KLF8: variants seen among roughly 807,000 people sequenced by gnomAD.
KLF8 encodes the protein KLF transcription factor 8.
A neutral mutation model predicts 18.2 loss-of-function variants in KLF8; 10 were observed. The observed-to-expected ratio is 0.55, with a 90% CI of 0.34 to 0.93. The LOEUF (loss-of-function observed/expected upper bound fraction) is 0.93. Ranked by LOEUF, KLF8 falls within the 40% of genes least tolerant of loss-of-function variation. The pLI is 0.02. For synonymous variants in KLF8, 109 were observed against 97.3 expected (o/e 1.12, Z -0.71); for missense variants, 264 against 277.9 (o/e 0.95, Z 0.36).
chrX:56,019,743 T>C, the KLF8 span, among the ~76,000 whole-genome samples: 1 of 111,935 alleles, frequency 8.9e-6, no homozygotes, highest in Non-Finnish European at 1.9e-5. Context: ...AATAGTTATC[T>C]TGGAGCTATC....
chrX:56,160,635 A>G, the KLF8 span, among the ~76,000 whole-genome samples: 1 of 111,423 alleles, frequency 9.0e-6, no homozygotes, highest in Admixed American at 9.6e-5. Flanking sequence ...TCCCTTTACC[A>G]TTATGTAATG....
At chrX:56,156,542 C>G in the KLF8 span, among the ~76,000 whole-genome samples, 1 of 110,551 alleles carries the variant, frequency 9.0e-6, no homozygotes, top group Non-Finnish European at 1.9e-5. Flanking sequence ...CCAGCTCCAT[C>G]CATTGCCCTT....
the KLF8 span, among the ~76,000 whole-genome samples, chrX:56,185,598 G>GA: frequency 9.0e-6 from 1 of 111,568 alleles, no homozygotes; most frequent in Non-Finnish European, 1.9e-5. Flanking sequence ...TGAAATGAAG[G>GA]AAAAAATGTT....
the KLF8 span, among the ~76,000 whole-genome samples, chrX:56,064,538 T>C: frequency 3.7e-3 from 409 of 111,649 alleles, no homozygotes; most frequent in African/African-American, 0.012. Context: ...ATGTCAGGAC[T>C]TGCTTGTGTC....
the KLF8 span, among the ~76,000 whole-genome samples, chrX:56,191,269 G>C: frequency 6.8e-4 from 76 of 111,792 alleles, no homozygotes; most frequent in African/African-American, 2.2e-3. Flanking sequence ...AAGGAAATTT[G>C]AAACATGAAC....
At chrX:56,127,004 C>T in the KLF8 span, among the ~76,000 whole-genome samples, 3 of 109,491 alleles carry the variant, frequency 2.7e-5, no homozygotes, top group Non-Finnish European at 5.7e-5. Flanking sequence ...CTACCCGCCT[C>T]GGCCTCCCAA....
At chrX:56,170,728 T>C in the KLF8 span, among the ~76,000 whole-genome samples, 1 of 110,932 alleles carries the variant, frequency 9.0e-6, no homozygotes, top group Non-Finnish European at 1.9e-5. Flanking sequence ...AATATTGATC[T>C]TAAAGAAGAA....
the KLF8 span, among the ~76,000 whole-genome samples, chrX:56,127,337 A>G: frequency 2.7e-5 from 3 of 111,189 alleles, no homozygotes; most frequent in African/African-American, 9.8e-5. Flanking sequence ...ATAAAACATG[A>G]ACTCCAGCCT....
the KLF8 span, among the ~76,000 whole-genome samples, chrX:56,189,536 C>T: frequency 1.3e-4 from 14 of 111,004 alleles, no homozygotes; most frequent in African/African-American, 4.6e-4. Context: ...ACCCAAAGGA[C>T]TATAAATCAT....
the KLF8 span, among the ~76,000 whole-genome samples, chrX:56,126,429 C>A: frequency 2.7e-5 from 3 of 112,045 alleles, no homozygotes; most frequent in African/African-American, 9.7e-5. Flanking sequence ...TATCCTTGCC[C>A]CTAACAATTT....
the KLF8 span, among the ~76,000 whole-genome samples, chrX:56,175,082 T>A: frequency 7.2e-4 from 80 of 111,405 alleles, no homozygotes; most frequent in South Asian, 0.029. Flanking sequence ...AGGGTTTTTT[T>A]TGTCTCTATT....
chrX:56,020,073 A>G, the KLF8 span, among the ~76,000 whole-genome samples: 1 of 112,218 alleles, frequency 8.9e-6, no homozygotes, highest in Non-Finnish European at 1.9e-5. Context: ...CAGTCAGATA[A>G]AAGTTAGGTG....
chrX:56,261,198 A>G (rs2066878984), intron 2 of KLF8, among the ~76,000 whole-genome samples: 2 of 111,518 alleles, frequency 1.8e-5, no homozygotes, highest in African/African-American at 6.5e-5. Flanking sequence ...TGTCCACTCA[A>G]ATTGGCTTAA....
At chrX:56,170,643 G>T in the KLF8 span, among the ~76,000 whole-genome samples, 1 of 110,091 alleles carries the variant, frequency 9.1e-6, no homozygotes, top group Non-Finnish European at 1.9e-5. Context: ...GGTTAGAAGA[G>T]CCTAAAGGAA....
intron 5 of KLF8, among the ~76,000 whole-genome samples, chrX:56,283,699 G>A (rs1218149894): frequency 8.9e-6 from 1 of 112,382 alleles, no homozygotes; most frequent in Non-Finnish European, 1.9e-5. Flanking sequence ...CTGTTTGGTA[G>A]GAGATATTAG....
At chrX:56,268,849 G>T in intron 3 of KLF8, 1 of 853,754 alleles carries the variant, frequency 1.2e-6, no homozygotes, top group Non-Finnish European at 1.4e-6. Context: ...GGAAAGGAAG[G>T]TTGTATCAAG....
At chrX:55,958,153 A>G in the KLF8 span, among the ~76,000 whole-genome samples, 1 of 112,575 alleles carries the variant, frequency 8.9e-6, no homozygotes, top group Non-Finnish European at 1.9e-5. Flanking sequence ...ATGTAAGAGA[A>G]AAAGATCAGC....
the KLF8 span, among the ~76,000 whole-genome samples, chrX:55,993,868 T>A: frequency 9.1e-6 from 1 of 109,976 alleles, no homozygotes. Context: ...TTCCCAGAAA[T>A]TTACCCATTT....
the KLF8 span, among the ~76,000 whole-genome samples, chrX:56,149,263 A>C: frequency 8.9e-6 from 1 of 111,775 alleles, no homozygotes; most frequent in African/African-American, 3.3e-5. Flanking sequence ...CATAGAAGAG[A>C]GGTCAGGGAT....
Sources: allele counts gnomAD v4.1 joint callset (sites outside exome capture counted in the v4.1 genomes callset), GRCh38; gene constraint gnomAD v4.1.1; transcripts MANE v1.5; gene names NCBI Gene and HGNC (gene_info 2026-07-23, HGNC 2026-07-21).